The following PSG2 variants were observed in gnomAD, a reference collection of about 807,000 sequenced individuals.
PSG2 encodes pregnancy specific beta-1-glycoprotein 2.
In PSG2, 49 loss-of-function variants were observed where a neutral mutation model predicts 36.2. That is an observed-to-expected ratio of 1.35 (90% CI 1.08 to 1.72). The LOEUF is 1.72. PSG2 is among the 40% of genes most tolerant of loss of function. PSG2 has a pLI of 0.00. For synonymous variants in PSG2, 261 were observed against 155.6 expected (o/e 1.68, Z -5.04); for missense variants, 605 against 407.2 (o/e 1.49, Z -4.18).
At chr19:43,079,154 G>T (rs60176637) in intron 2 of PSG2, among the ~76,000 whole-genome samples, 13,142 of 151,536 alleles carry the variant, frequency 0.087, 833 homozygotes, top group South Asian at 0.14. Context: ...CAGTCAGAAT[G>T]AAGTGGGAGG....
chr19:43,082,386 C>G, intron 1 of PSG2, 120 bp downstream of exon 1: 3 of 1,465,128 alleles, frequency 2.0e-6, no homozygotes, highest in Non-Finnish European at 2.8e-6. Context: ...GTGATCCACC[C>G]ACCTCAGCCT....
intron 4 of PSG2, 103 bp downstream of exon 4, chr19:43,071,597 A>G: frequency 1.9e-6 from 3 of 1,610,440 alleles, no homozygotes; most frequent in Non-Finnish European, 2.5e-6. Flanking sequence ...GCTTTTGCCC[A>G]TGGGACACAG....
intron 3 of PSG2, among the ~76,000 whole-genome samples, chr19:43,074,662 C>T (rs1967865472): frequency 6.6e-6 from 1 of 151,806 alleles, no homozygotes; most frequent in South Asian, 2.1e-4. Context: ...ATAGACTTCA[C>T]TGGAAAACAT....
chr19:43,068,234 G>T (rs1341392097), intron 4 of PSG2, among the ~76,000 whole-genome samples: 9 of 151,358 alleles, frequency 5.9e-5, no homozygotes, highest in Admixed American at 1.3e-4. Context: ...CCAGGTGTTT[G>T]GACCAGCATA....
intron 3 of PSG2, 128 bp downstream of exon 3, chr19:43,075,226 A>G (rs1271558508): frequency 6.3e-7 from 1 of 1,588,704 alleles, no homozygotes; most frequent in East Asian, 2.2e-5. Flanking sequence ...GCAGAAAGTC[A>G]TGGCCAGCTT....
In PSG2 at chr19:43,080,993, G is replaced by A. The variant is rs778936521; in HGVS notation, c.318C>T (p.Ser106=). 3.1e-5 allele frequency: 50 copies of A among 1,612,908 alleles called. No individual in the cohort carries two copies. The highest frequency in any genetic ancestry group is 4.0e-5 in the Non-Finnish European group (47 of 1,179,694). Residue 106 remains serine, a synonymous_variant, in exon 2 of 6, where the codon TCC becomes TCT. Coordinates refer to ENST00000406487, the MANE Select transcript of PSG2 (RefSeq NM_031246.4). ...SGRETAYSNA[S]LLIQNVTRED... Reference sequence around the variant, plus strand: ...CCCGGGTGACATTCTGGATCAGCAGGGATGCATTGGAATATGCTGTTTCTC... The same window carrying A: ...CCCGGGTGACATTCTGGATCAGCAGAGATGCATTGGAATATGCTGTTTCTC...
chr19:43,077,747 T>C (rs932786043), intron 2 of PSG2, among the ~76,000 whole-genome samples: 8 of 151,838 alleles, frequency 5.3e-5, no homozygotes, highest in Non-Finnish European at 1.5e-5. Flanking sequence ...TAAAAATTGC[T>C]ACTGTCAAAA....
At chr19:43,077,613 T>C (rs1201271761) in intron 2 of PSG2, among the ~76,000 whole-genome samples, 2 of 151,746 alleles carry the variant, frequency 1.3e-5, no homozygotes, top group African/African-American at 4.9e-5. Context: ...CACTTGTGTG[T>C]GGCACAGGCA....
Position 43,075,232 on chromosome 19 carries a change from A to G in PSG2, c.709+122T>C, listed in dbSNP as rs112032427. The G allele has an allele frequency of 3.5e-4, 562 of 1,595,470 alleles. 13 individuals carry two copies. In the African/African-American group the frequency reaches 6.8e-3, roughly 19 times the overall value. ...TTGCCTGGGGCAGAAAGTCATGGCC[A>G]GCTTTGATGCCTAGGGGTAAAGGTC... is the stretch of plus-strand genomic sequence containing the variant. On this transcript the variant is annotated intron_variant, in intron 3 of 5. Transcript: ENST00000406487.
At chr19:43,077,993 G>A (rs1967921474) in intron 2 of PSG2, among the ~76,000 whole-genome samples, 1 of 151,672 alleles carries the variant, frequency 6.6e-6, no homozygotes, top group Non-Finnish European at 1.5e-5. Context: ...AGCAGGTTGA[G>A]GATGGAGTCA....
intron 4 of PSG2, among the ~76,000 whole-genome samples, chr19:43,069,085 A>C (rs780293401): frequency 6.6e-6 from 1 of 151,692 alleles, no homozygotes; most frequent in Non-Finnish European, 1.5e-5. Context: ...GTCTGAAGGG[A>C]AATTAGGAAA....
In PSG2 at chr19:43,073,167, G is replaced by T. The variant is rs950308263; in HGVS notation, c.710-1213C>A. On this transcript the variant is annotated intron_variant, in intron 3 of 5. Transcript: ENST00000406487. ...AGCAGAAATAACACAGGGGAGACCA[G>T]AGTCAAGCCTGGAGGTCAGTTCAGT... Among the ~76,000 whole-genome samples, 22 of 151,982 alleles carry T rather than the reference G, an allele frequency of 1.4e-4. 1 individual carries two copies. The highest frequency in any genetic ancestry group is 4.8e-4 in the African/African-American group (20 of 41,302).
intron 4 of PSG2, among the ~76,000 whole-genome samples, chr19:43,070,445 A>G (rs148454282): frequency 0.091 from 13,851 of 151,700 alleles, 864 homozygotes; most frequent in African/African-American, 0.11. Context: ...GGAAACAACC[A>G]AAAAGTCCAT....
At chr19:43,065,315 G>A (rs1322867299) in intron 5 of PSG2, among the ~76,000 whole-genome samples, 4 of 151,492 alleles carry the variant, frequency 2.6e-5, no homozygotes, top group African/African-American at 7.3e-5. Context: ...CATAAATAGG[G>A]CCAAAAATGT....
At chr19:43,071,130 C>A (rs547574339) in intron 4 of PSG2, among the ~76,000 whole-genome samples, 1 of 151,422 alleles carries the variant, frequency 6.6e-6, no homozygotes, top group Non-Finnish European at 1.5e-5. Context: ...TAGCGAAATT[C>A]AGGACAGTCC....
intron 3 of PSG2, among the ~76,000 whole-genome samples, chr19:43,074,512 A>G (rs943779188): frequency 4.6e-5 from 7 of 151,684 alleles, no homozygotes; most frequent in African/African-American, 1.5e-4. Flanking sequence ...TTGTTAGTGT[A>G]TAGTCTAAAG....
At chr19:43,072,716 CCT>C in intron 3 of PSG2, 1 of 1,566,534 alleles carries the variant, frequency 6.4e-7, no homozygotes, top group Non-Finnish European at 8.6e-7. Flanking sequence ...CCATCTCCCA[CCT>C]CTCAGCCCAC....
rs982615590 is a variant in PSG2 at position 43,074,410 on chromosome 19, C to T, written c.709+944G>A. On this transcript the variant is annotated intron_variant, in intron 3 of 5. Transcript: ENST00000406487. ...TAGTTTTCAAGGTATAATCATTTGA[C>T]CTTTTTGGTTAAACTTATTCCAAAA... is the stretch of plus-strand genomic sequence containing the variant. 1.9e-4 allele frequency among the ~76,000 whole-genome samples: 29 copies of T among 151,678 alleles called. 1 individual carries two copies. The highest frequency in any genetic ancestry group is 3.4e-4 in the Non-Finnish European group (23 of 67,982).
In PSG2 at chr19:43,080,968, C is replaced by T. The variant is rs1426454803; in HGVS notation, c.343G>A (p.Glu115Lys). 4 of 1,613,084 alleles carry T rather than the reference C, an allele frequency of 2.5e-6. 1 individual carries two copies. The South Asian group carries it at 3.3e-5, about 13-fold the overall frequency. ...TGTAAGGTGTAGGATCCTGCGTCCT[C>T]CCGGGTGACATTCTGGATCAGCAGG... ...ASLLIQNVTR[E>K]DAGSYTLHII... Residue 115 changes from glutamate to lysine, a missense_variant, in exon 2 of 6, where the codon GAG becomes AAG. Glu to Lys is a moderately conservative substitution (Grantham distance 56). Transcript: ENST00000406487.
Sources: allele counts gnomAD v4.1 joint callset (sites outside exome capture counted in the v4.1 genomes callset), GRCh38; gene constraint gnomAD v4.1.1; transcripts MANE v1.5; gene names NCBI Gene and HGNC (gene_info 2026-07-23, HGNC 2026-07-21).